INSL6: variants seen among roughly 807,000 people sequenced by gnomAD.
INSL6 encodes insulin like 6, also known as insulin-like peptide INSL6.
Under a neutral mutation model 9.4 loss-of-function variants are expected in INSL6, and 16 were observed. That is an observed-to-expected ratio of 1.70 (90% CI 1.15 to 2.59). The LOEUF (loss-of-function observed/expected upper bound fraction) is 2.59, where lower values mean the gene tolerates loss of function less well. Ranked by LOEUF, INSL6 falls within the 30% of genes most tolerant of loss-of-function variation. The pLI is 0.00. For missense variants in INSL6, 391 were observed against 257.3 expected (o/e 1.52, Z -3.56); for synonymous variants, 154 against 96.9 (o/e 1.59, Z -3.46).
At chr9:5,183,886 C>G (rs556850767) in intron 1 of INSL6, among the ~76,000 whole-genome samples, 1 of 152,224 alleles carries the variant, frequency 6.6e-6, no homozygotes, top group South Asian at 2.1e-4. Flanking sequence ...CAGGCCCCAC[C>G]CCAGGTCTAC....
the INSL6 span, chr9:5,090,399 G>A: frequency 5.7e-6 from 8 of 1,393,408 alleles, no homozygotes; most frequent in African/African-American, 8.7e-5. Flanking sequence ...TATTTAATCA[G>A]TATAATATGG....
chr9:5,015,335 TC>T, the INSL6 span, among the ~76,000 whole-genome samples: 4 of 152,314 alleles, frequency 2.6e-5, no homozygotes, highest in Non-Finnish European at 4.4e-5. Flanking sequence ...TGCCTGGGTA[TC>T]CTAAAAACCT....
At chr9:5,046,331 G>A in the INSL6 span, among the ~76,000 whole-genome samples, 1 of 152,122 alleles carries the variant, frequency 6.6e-6, no homozygotes, top group East Asian at 1.9e-4. Context: ...TACATGATTT[G>A]TAGATAGTTT....
the INSL6 span, among the ~76,000 whole-genome samples, chr9:5,079,111 A>G: frequency 1.3e-5 from 2 of 152,222 alleles, no homozygotes; most frequent in Non-Finnish European, 2.9e-5. Flanking sequence ...TTAATGACTT[A>G]TCTGACAGTG....
At chr9:5,081,960 T>G in the INSL6 span, 1 of 986,454 alleles carries the variant, frequency 1.0e-6, no homozygotes, top group Non-Finnish European at 1.5e-6. Flanking sequence ...TTTTAAGGAG[T>G]GCTTGTAGAA....
the INSL6 span, among the ~76,000 whole-genome samples, chr9:4,995,700 C>T: frequency 2.0e-5 from 3 of 152,256 alleles, no homozygotes; most frequent in South Asian, 6.2e-4. Context: ...GGGAGGCATT[C>T]AAGTACTTGA....
At chr9:5,066,902 G>A in the INSL6 span, 2 of 438,504 alleles carry the variant, frequency 4.6e-6, no homozygotes, top group African/African-American at 2.0e-5. Context: ...CTTTGGATAT[G>A]ATAACTAGTA....
intron 1 of INSL6, among the ~76,000 whole-genome samples, chr9:5,181,426 G>A (rs1213641980): frequency 6.6e-6 from 1 of 151,978 alleles, no homozygotes; most frequent in Non-Finnish European, 1.5e-5. Flanking sequence ...AGTAGAAAGT[G>A]TTCAGAAAAC....
the INSL6 span, among the ~76,000 whole-genome samples, chr9:5,054,303 C>A: frequency 1.1e-4 from 17 of 152,074 alleles, no homozygotes; most frequent in African/African-American, 3.6e-4. This position sits in a 1 kb window ranked among gnomAD's most constrained non-coding sequence, Gnocchi z 4.9. Flanking sequence ...GGATTCATTT[C>A]ATTAGGGGAA....
chr9:5,098,410 C>T, the INSL6 span: 5 of 152,286 alleles, frequency 3.3e-5, no homozygotes, highest in East Asian at 3.9e-4. Flanking sequence ...GCTCACTTTC[C>T]GTGACCACGT....
chr9:5,019,008 G>C, the INSL6 span, among the ~76,000 whole-genome samples: 3 of 152,024 alleles, frequency 2.0e-5, no homozygotes, highest in African/African-American at 7.2e-5. Context: ...ACAAACTGTT[G>C]ACAGTTTGAC....
the INSL6 span, among the ~76,000 whole-genome samples, chr9:5,025,523 G>C: frequency 6.8e-6 from 1 of 146,140 alleles, no homozygotes; most frequent in African/African-American, 2.6e-5. Flanking sequence ...TGTTTAAGTG[G>C]ATAGAGTTTG....
the INSL6 span, among the ~76,000 whole-genome samples, chr9:5,002,249 ATCTT>A: frequency 6.6e-6 from 1 of 151,514 alleles, no homozygotes; most frequent in Non-Finnish European, 1.5e-5. Flanking sequence ...TTAATTTCAT[ATCTT>A]TCTTCTTTTC....
At chr9:5,175,531 C>T (rs541935181) in intron 1 of INSL6, among the ~76,000 whole-genome samples, 17 of 152,266 alleles carry the variant, frequency 1.1e-4, no homozygotes, top group South Asian at 8.3e-4. Flanking sequence ...GGGTCCCCAA[C>T]CACTGGGGAC....
the INSL6 span, among the ~76,000 whole-genome samples, chr9:5,070,466 A>G: frequency 1.6e-4 from 24 of 152,250 alleles, no homozygotes; most frequent in African/African-American, 5.8e-4. Context: ...TGGATACCAA[A>G]ATCTGAGGAT....
At chr9:5,143,844 G>A (rs1824549543) in intron 2 of INSL6, among the ~76,000 whole-genome samples, 1 of 151,212 alleles carries the variant, frequency 6.6e-6, no homozygotes, top group Non-Finnish European at 1.5e-5. Flanking sequence ...ATTTGTAGTA[G>A]AGACAGGGTT....
downstream of INSL6, chr9:5,163,802 G>A (rs1253285527): frequency 2.8e-6 from 2 of 716,880 alleles, no homozygotes; most frequent in African/African-American, 3.6e-5. Flanking sequence ...GTGCTTGCAA[G>A]TACATTCAGA....
the INSL6 span, among the ~76,000 whole-genome samples, chr9:5,001,109 C>A: frequency 6.6e-6 from 1 of 152,136 alleles, no homozygotes; most frequent in Non-Finnish European, 1.5e-5. Context: ...TTGGTAGAAT[C>A]CTCAGCATTT....
chr9:4,993,570 AAACT>A, the INSL6 span, among the ~76,000 whole-genome samples: 1 of 152,186 alleles, frequency 6.6e-6, no homozygotes, highest in Non-Finnish European at 1.5e-5. Context: ...CAGTTTTGCT[AAACT>A]TTGCCCTAGT....
Sources: gnomAD v4.1 joint callset for allele counts (sites outside exome capture counted in the v4.1 genomes callset) on GRCh38, gnomAD v4.1.1 for gene constraint, Gnocchi (gnomAD v3.1) non-coding constraint, MANE v1.5 for transcripts, NCBI Gene and HGNC (gene_info 2026-07-23, HGNC 2026-07-21) for gene names.